The following ARHGEF4 variants were observed in gnomAD, a reference collection of about 807,000 sequenced individuals.
ARHGEF4 encodes Rho guanine nucleotide exchange factor 4, also known as APC-stimulated guanine nucleotide exchange factor 1.
Under a neutral mutation model 162.0 loss-of-function variants are expected in ARHGEF4, and 119 were observed. The ratio of observed to expected loss-of-function variants is 0.73; its 90% CI spans 0.63 to 0.86. The LOEUF (loss-of-function observed/expected upper bound fraction) is 0.86, where lower values mean the gene tolerates loss of function less well. Ranked by LOEUF, ARHGEF4 falls within the 40% of genes least tolerant of loss-of-function variation. ARHGEF4 has a pLI of 0.00. For missense variants in ARHGEF4, 2,488 were observed against 2,456.0 expected, an observed-to-expected ratio of 1.01 and a Z score of -0.28; for synonymous variants, 1,014 against 979.9, an observed-to-expected ratio of 1.03 and a Z score of -0.65.
chr2:130,851,539 C>G (rs1431282411), intron 1 of ARHGEF4, among the ~76,000 whole-genome samples: 1 of 152,216 alleles, frequency 6.6e-6, no homozygotes, highest in Non-Finnish European at 1.5e-5. Context: ...TGCTCCGGGC[C>G]TGAGTGGGCG....
chr2:131,042,042 G>C (rs1013055289), intron 10 of ARHGEF4, 98 bp downstream of exon 10: 2 of 1,468,718 alleles, frequency 1.4e-6, no homozygotes, highest in African/African-American at 2.8e-5. Flanking sequence ...CTGAAGCAGG[G>C]AGCTGCGCTC....
chr2:130,930,206 C>T (rs1402641033), intron 2 of ARHGEF4, among the ~76,000 whole-genome samples: 1 of 152,122 alleles, frequency 6.6e-6, no homozygotes, highest in East Asian at 1.9e-4. Flanking sequence ...AGAAATTTCA[C>T]CTTAGTTTTT....
At chr2:131,033,183 G>A (rs950484251) in intron 5 of ARHGEF4, among the ~76,000 whole-genome samples, 1 of 152,104 alleles carries the variant, frequency 6.6e-6, no homozygotes, top group Non-Finnish European at 1.5e-5. Flanking sequence ...TAGGTTTTTG[G>A]TCATGAAACT....
At chr2:130,885,381 A>G (rs1394245612) in intron 1 of ARHGEF4, among the ~76,000 whole-genome samples, 1 of 151,982 alleles carries the variant, frequency 6.6e-6, no homozygotes. Context: ...GGCGTGAGCC[A>G]CCGCGCCCGG....
chr2:130,875,259 C>A (rs1304721561), intron 1 of ARHGEF4, among the ~76,000 whole-genome samples: 1 of 152,140 alleles, frequency 6.6e-6, no homozygotes, highest in Admixed American at 6.5e-5. Context: ...GCTTTATCTA[C>A]AGATCGATGG....
chr2:131,020,184 CTTTAT>C (rs771425404), intron 4 of ARHGEF4, among the ~76,000 whole-genome samples: 229 of 152,004 alleles, frequency 1.5e-3, no homozygotes, highest in Non-Finnish European at 2.2e-3. Context: ...TATTCTTTTT[CTTTAT>C]TTTATTTTAT....
intron 1 of ARHGEF4, among the ~76,000 whole-genome samples, chr2:130,909,915 A>G (rs1216350723): frequency 6.6e-6 from 1 of 152,226 alleles, no homozygotes; most frequent in Non-Finnish European, 1.5e-5. Flanking sequence ...CACACACAAA[A>G]GAAATTCCCA....
chr2:130,878,289 AGTTT>A (rs1198623881), intron 1 of ARHGEF4, among the ~76,000 whole-genome samples: 2 of 152,140 alleles, frequency 1.3e-5, no homozygotes, highest in African/African-American at 4.8e-5. Context: ...CACGAATTGT[AGTTT>A]GCTGGCCTTT....
chr2:130,868,221 G>C (rs1002126680), intron 1 of ARHGEF4, among the ~76,000 whole-genome samples: 2 of 152,016 alleles, frequency 1.3e-5, no homozygotes, highest in African/African-American at 2.4e-5. Flanking sequence ...CACCACACCC[G>C]GCCAAGGGTG....
chr2:130,944,655 A>T (rs898965894), intron 3 of ARHGEF4, among the ~76,000 whole-genome samples: 1 of 152,052 alleles, frequency 6.6e-6, no homozygotes, highest in Admixed American at 6.5e-5. Context: ...CATTTATGTC[A>T]AAAGTGTTCA....
At chr2:131,044,082 A>G (rs918955457) in intron 11 of ARHGEF4, among the ~76,000 whole-genome samples, 5 of 152,170 alleles carry the variant, frequency 3.3e-5, no homozygotes, top group Non-Finnish European at 5.9e-5. Flanking sequence ...CGGGCTAGTC[A>G]GTACCTGCAA....
intron 1 of ARHGEF4, among the ~76,000 whole-genome samples, chr2:130,879,498 T>A (rs1679060942): frequency 6.6e-6 from 1 of 152,200 alleles, no homozygotes; most frequent in South Asian, 2.1e-4. Context: ...TATATCATTA[T>A]TAACTATAGT....
chr2:130,881,556 C>T (rs1490155934), intron 1 of ARHGEF4, among the ~76,000 whole-genome samples: 3 of 150,888 alleles, frequency 2.0e-5, no homozygotes, highest in Admixed American at 1.3e-4. Flanking sequence ...TGACTTGAGA[C>T]CTTGGGCTTC....
chr2:131,043,325 T>A, intron 10 of ARHGEF4, 127 bp from the exon 11 acceptor site: 1 of 1,292,104 alleles, frequency 7.7e-7, no homozygotes, highest in Non-Finnish European at 1.1e-6. Flanking sequence ...CCTCCCACCA[T>A]GGCCTGGCCA....
intron 4 of ARHGEF4, among the ~76,000 whole-genome samples, chr2:131,017,037 A>C (rs1013531330): frequency 6.6e-6 from 1 of 152,206 alleles, no homozygotes; most frequent in African/African-American, 2.4e-5. Context: ...GGAATTTCAG[A>C]ATGAATCAGA....
At chr2:130,896,395 C>T (rs1243522810) in intron 1 of ARHGEF4, among the ~76,000 whole-genome samples, 1 of 152,210 alleles carries the variant, frequency 6.6e-6, no homozygotes, top group African/African-American at 2.4e-5. Context: ...ATTCTGGCAG[C>T]AATGGCTCAG....
intron 4 of ARHGEF4, chr2:131,011,775 G>A (rs1350783690): frequency 1.1e-6 from 1 of 902,370 alleles, no homozygotes; most frequent in East Asian, 2.6e-5. Flanking sequence ...TCAGGCAGAG[G>A]AATGATGTGA....
chr2:130,969,598 CAAAA>C (rs879494565), intron 4 of ARHGEF4, among the ~76,000 whole-genome samples: 3 of 129,624 alleles, frequency 2.3e-5, no homozygotes, highest in Non-Finnish European at 3.3e-5. Flanking sequence ...GACTCCGTCT[CAAAA>C]AAAAAAAAAT....
At chr2:130,992,679 G>C (rs1042870340) in intron 4 of ARHGEF4, among the ~76,000 whole-genome samples, 6 of 152,208 alleles carry the variant, frequency 3.9e-5, no homozygotes, top group African/African-American at 1.4e-4. Flanking sequence ...GTGAGACCAA[G>C]AACCCACCAA....
Sources: allele counts gnomAD v4.1 joint callset (sites outside exome capture counted in the v4.1 genomes callset), GRCh38; gene constraint gnomAD v4.1.1; transcripts MANE v1.5; gene names NCBI Gene and HGNC (gene_info 2026-07-23, HGNC 2026-07-21).